FNIP1: variants seen among roughly 807,000 people sequenced by gnomAD.
FNIP1 encodes the protein folliculin-interacting protein 1.
Under a neutral mutation model 124.5 loss-of-function variants are expected in FNIP1, and 40 were observed. That is an observed-to-expected ratio of 0.32 (90% CI 0.25 to 0.42). The LOEUF (loss-of-function observed/expected upper bound fraction) is 0.42. Among genes scored for constraint, FNIP1 ranks in the 10% least tolerant of loss-of-function variants. FNIP1 has a pLI of 1.00. For synonymous variants in FNIP1, 472 were observed against 470.6 expected, an observed-to-expected ratio of 1.00 and a Z score of -0.04; for missense variants, 1,176 against 1,403.7, an observed-to-expected ratio of 0.84 and a Z score of 2.59.
At chr5:131,751,475 G>A (rs1770870064) in intron 1 of FNIP1, among the ~76,000 whole-genome samples, 2 of 150,994 alleles carry the variant, frequency 1.3e-5, no homozygotes, top group Admixed American at 1.3e-4. Context: ...TGAATCCCCA[G>A]TCCCAAGCTT....
chr5:131,683,288 C>T (rs1371899403), intron 11 of FNIP1, among the ~76,000 whole-genome samples: 1 of 151,972 alleles, frequency 6.6e-6, no homozygotes, highest in East Asian at 1.9e-4. Flanking sequence ...CTCCTGTATA[C>T]TTAAAACCAC....
chr5:131,796,798 G>C lies in FNIP1; in HGVS notation c.92+32C>G, dbSNP rs985674459. 8 of 1,549,486 alleles carry C rather than the reference G, an allele frequency of 5.2e-6. 1 individual carries two copies. The African/African-American group carries it at 8.2e-5, about 16-fold the overall frequency. Reference sequence around the variant, plus strand: ...GGAGCCCGGAGCCCACAAGGCCATCGGCTCCGCGACCCCCGCCCCACAGCG... The same window carrying C: ...GGAGCCCGGAGCCCACAAGGCCATCCGCTCCGCGACCCCCGCCCCACAGCG... On this transcript the variant is annotated intron_variant, in intron 1 of 17. Coordinates refer to ENST00000510461, the MANE Select transcript of FNIP1 (RefSeq NM_133372.3).
chr5:131,734,329 G>A (rs1021751902), intron 2 of FNIP1, among the ~76,000 whole-genome samples: 2 of 151,994 alleles, frequency 1.3e-5, no homozygotes, highest in Non-Finnish European at 1.5e-5. Context: ...ATCTCCTTCA[G>A]TTCTGCTCTG....
At chr5:131,680,428 A>G (rs1031650917) in intron 11 of FNIP1, among the ~76,000 whole-genome samples, 2 of 151,286 alleles carry the variant, frequency 1.3e-5, no homozygotes, top group African/African-American at 4.9e-5. Context: ...AAAATAAACA[A>G]AAAGTTATTT....
At chr5:131,652,026 A>G in intron 15 of FNIP1, 27 bp from the exon 16 acceptor site, 1 of 1,586,936 alleles carries the variant, frequency 6.3e-7, no homozygotes, top group Non-Finnish European at 8.6e-7. Context: ...AATTCATCTT[A>G]TGTTTAGCAA....
At position 131,652,113 on chromosome 5, in the gene FNIP1, A is replaced by G. The variant is rs1767057089; in HGVS notation, c.3109-114T>C. The G allele has an allele frequency of 1.6e-5, 13 of 827,280 alleles. No homozygotes were observed. In the South Asian group the frequency reaches 2.2e-4, roughly 14 times the overall value. 51.2% of individuals were successfully genotyped at this position (827,280 alleles called of 1,614,324 possible). A position where few individuals can be genotyped will look rare whatever the true frequency, so the allele number is the denominator to read the frequency against. On this transcript the variant is annotated intron_variant, in intron 15 of 17. Coordinates refer to ENST00000510461, the MANE Select transcript of FNIP1 (RefSeq NM_133372.3). ...AAACAGAAAAAAAAATTAAACTTCA[A>G]TATTTCAATATCTCCTTGACCAAGA... is the stretch of plus-strand genomic sequence containing the variant.
intron 6 of FNIP1, among the ~76,000 whole-genome samples, chr5:131,711,225 A>T (rs1374521408): frequency 6.6e-6 from 1 of 152,210 alleles, no homozygotes; most frequent in Non-Finnish European, 1.5e-5. Context: ...CAAGGTTACT[A>T]AACCAGGAGT....
intron 3 of FNIP1, among the ~76,000 whole-genome samples, chr5:131,730,534 A>G (rs957725802): frequency 1.3e-5 from 2 of 152,248 alleles, no homozygotes; most frequent in African/African-American, 4.8e-5. Flanking sequence ...TTTGAGAAAT[A>G]AAACTGTGTA....
intron 5 of FNIP1, among the ~76,000 whole-genome samples, chr5:131,718,753 C>T (rs1180469279): frequency 2.0e-5 from 3 of 152,172 alleles, no homozygotes; most frequent in African/African-American, 7.2e-5. Context: ...GACGGAAATC[C>T]ATTCAACATT....
chr5:131,786,484 A>C (rs1206404174), intron 1 of FNIP1, among the ~76,000 whole-genome samples: 1 of 152,246 alleles, frequency 6.6e-6, no homozygotes, highest in African/African-American at 2.4e-5. Flanking sequence ...TTCTCAAGAA[A>C]CATCAAATGG....
intron 1 of FNIP1, among the ~76,000 whole-genome samples, chr5:131,783,735 T>G (rs1239867962): frequency 6.6e-6 from 1 of 152,122 alleles, no homozygotes; most frequent in African/African-American, 2.4e-5. Flanking sequence ...GGCTTTTGAC[T>G]TCTCAGCTGC....
At position 131,796,878 on chromosome 5, in the gene FNIP1, C is replaced by T. The variant is rs1772628231; in HGVS notation, c.44G>A (p.Gly15Glu). Residue 15 changes from glycine (G) to glutamate (E), a missense_variant, in exon 1 of 18, where the codon GGG becomes GAG. Coordinates refer to ENST00000510461, the MANE Select transcript of FNIP1 (RefSeq NM_133372.3). Reference sequence around the variant, plus strand: ...GGCGTCGCGGCCGGGCGCGCCCAGCCCGGTCCTCTTGCTGAAGAGCTTCTG... The same window carrying T: ...GGCGTCGCGGCCGGGCGCGCCCAGCTCGGTCCTCTTGCTGAAGAGCTTCTG... ...LFQKLFSKRT[G>E]LGAPGRDARD... 2 of 1,609,014 alleles carry T rather than the reference C, an allele frequency of 1.2e-6. No individual in the cohort carries two copies. The highest frequency in any genetic ancestry group is 8.5e-7 in the Non-Finnish European group (1 of 1,178,358).
intron 1 of FNIP1, among the ~76,000 whole-genome samples, chr5:131,761,713 C>A (rs1771237237): frequency 6.6e-6 from 1 of 151,982 alleles, no homozygotes; most frequent in Non-Finnish European, 1.5e-5. Context: ...TCAATGCAAT[C>A]CCTTTCAAAA....
At chr5:131,791,516 A>G (rs977532163) in intron 1 of FNIP1, among the ~76,000 whole-genome samples, 1 of 152,254 alleles carries the variant, frequency 6.6e-6, no homozygotes, top group African/African-American at 2.4e-5. Context: ...GAAAGACAAG[A>G]AACAGAGAAA....
intron 6 of FNIP1, among the ~76,000 whole-genome samples, chr5:131,714,206 T>C (rs1382530845): frequency 6.6e-6 from 1 of 152,170 alleles, no homozygotes; most frequent in Non-Finnish European, 1.5e-5. Flanking sequence ...TTGACTCAAA[T>C]ACTTCCCAGG....
At chr5:131,656,295 G>A (rs532579333) in intron 15 of FNIP1, among the ~76,000 whole-genome samples, 183 of 152,236 alleles carry the variant, frequency 1.2e-3, no homozygotes, top group African/African-American at 4.3e-3. Flanking sequence ...AAGTAGCTGT[G>A]GTTACCCATC....
intron 11 of FNIP1, among the ~76,000 whole-genome samples, chr5:131,682,158 T>C (rs965244779): frequency 6.6e-6 from 1 of 152,140 alleles, no homozygotes; most frequent in African/African-American, 2.4e-5. Flanking sequence ...TAAATAAATA[T>C]GCTGATCATT....
At chr5:131,654,903 ATT>A (rs1416121171) in intron 15 of FNIP1, among the ~76,000 whole-genome samples, 5 of 152,220 alleles carry the variant, frequency 3.3e-5, no homozygotes, top group Admixed American at 2.6e-4. Context: ...CCAAATTTAT[ATT>A]TGTTTTTTAT....
chr5:131,745,538 A>C (rs1463865778), intron 1 of FNIP1, among the ~76,000 whole-genome samples: 2 of 152,168 alleles, frequency 1.3e-5, no homozygotes, highest in African/African-American at 2.4e-5. Flanking sequence ...AAAATAAAAA[A>C]TAAATAAATT....
Sources: allele counts gnomAD v4.1 joint callset (sites outside exome capture counted in the v4.1 genomes callset), GRCh38; gene constraint gnomAD v4.1.1; transcripts MANE v1.5; gene names NCBI Gene and HGNC (gene_info 2026-07-23, HGNC 2026-07-21).